The following COL28A1 variants were observed in gnomAD, a reference collection of about 807,000 sequenced individuals.
The protein encoded by COL28A1 is collagen type XXVIII alpha 1 chain.
COL28A1 carries 161 observed loss-of-function variants against 150.2 expected under a neutral mutation model. That is an observed-to-expected ratio of 1.07 (90% CI 0.94 to 1.22). COL28A1 has a LOEUF of 1.22. Ranked by LOEUF, COL28A1 falls within the 50% of genes most tolerant of loss-of-function variation. The probability of loss-of-function intolerance (pLI) is 0.00; values close to 1 mark genes in which losing one functional copy is unlikely to be tolerated. For synonymous variants in COL28A1, 552 were observed against 469.7 expected, an observed-to-expected ratio of 1.18 and a Z score of -2.26; for missense variants, 1,617 against 1,388.3, an observed-to-expected ratio of 1.16 and a Z score of -2.62.
In COL28A1 at chr7:7,506,006, A is replaced by G; in HGVS notation, c.1026+8T>C. 1 of 1,252,098 alleles carries G rather than the reference A, an allele frequency of 8.0e-7. No homozygotes were observed. The highest frequency in any genetic ancestry group is 1.2e-6 in the Non-Finnish European group (1 of 849,220). 77.6% of individuals were successfully genotyped at this position (1,252,098 alleles called of 1,614,324 possible). On this transcript the variant is annotated splice_region_variant and intron_variant, in intron 11 of 34. Coordinates refer to ENST00000399429, the MANE Select transcript of COL28A1 (RefSeq NM_001037763.3). ...CTCTGCCTGTCTTTAATCAAAGGGT[A>G]AGATTACCTTATTGCCTTGAAACCC...
intron 27 of COL28A1, among the ~76,000 whole-genome samples, chr7:7,391,272 TG>T (rs1296107957): frequency 6.6e-6 from 1 of 152,206 alleles, no homozygotes; most frequent in African/African-American, 2.4e-5. Context: ...TCAGTTTCCA[TG>T]TAGATGTGCG....
chr7:7,397,087 G>T (rs1245465150), intron 27 of COL28A1, among the ~76,000 whole-genome samples: 2 of 152,144 alleles, frequency 1.3e-5, no homozygotes, highest in Admixed American at 6.5e-5. Context: ...TGAATTTAGT[G>T]GTATTCTCTT....
intron 15 of COL28A1, among the ~76,000 whole-genome samples, chr7:7,462,571 A>C (rs1031622006): frequency 1.3e-5 from 2 of 152,218 alleles, no homozygotes; most frequent in African/African-American, 4.8e-5. Flanking sequence ...CACTTACAGA[A>C]ATGCAGGCTG....
At chr7:7,444,553 T>C (rs1786104973) in intron 18 of COL28A1, 64 bp from the exon 19 acceptor site, 5 of 1,495,222 alleles carry the variant, frequency 3.3e-6, no homozygotes, top group East Asian at 2.3e-5. Context: ...GTACTTGCAA[T>C]TGGATGTATC....
At chr7:7,484,740 T>A (rs1041629021) in intron 13 of COL28A1, among the ~76,000 whole-genome samples, 1 of 152,126 alleles carries the variant, frequency 6.6e-6, no homozygotes, top group Non-Finnish European at 1.5e-5. Context: ...TAAATGCCCA[T>A]CAATAGTAGA....
chr7:7,427,427 G>A (rs915177162), intron 25 of COL28A1, among the ~76,000 whole-genome samples: 1 of 152,156 alleles, frequency 6.6e-6, no homozygotes, highest in Non-Finnish European at 1.5e-5. Context: ...CTGTATCCTA[G>A]GCCAGCCCTC....
chr7:7,512,974 G>C (rs1583542888), intron 8 of COL28A1, among the ~76,000 whole-genome samples: 3 of 152,280 alleles, frequency 2.0e-5, no homozygotes, highest in Middle Eastern at 3.4e-3. Context: ...AGGAAGTCTT[G>C]CTATGAAAAA....
chr7:7,369,809 T>C (rs1230253333), intron 33 of COL28A1, among the ~76,000 whole-genome samples: 1 of 152,176 alleles, frequency 6.6e-6, no homozygotes, highest in Non-Finnish European at 1.5e-5. Flanking sequence ...TAGAACACTG[T>C]TGCACATGCT....
At chr7:7,457,567 T>G (rs1787267479) in intron 15 of COL28A1, among the ~76,000 whole-genome samples, 2 of 152,088 alleles carry the variant, frequency 1.3e-5, no homozygotes, top group Non-Finnish European at 2.9e-5. Context: ...GATGAGAACA[T>G]AAATTTGGGA....
chr7:7,426,221 T>C lies in COL28A1; in HGVS notation c.1998+6252A>G, dbSNP rs1024759674. On this transcript the variant is annotated intron_variant, in intron 25 of 34. Coordinates refer to ENST00000399429, the MANE Select transcript of COL28A1 (RefSeq NM_001037763.3). ...GGAATGACTGGGTTTTAAAATAAGG[T>C]AGAAGTCAAAGTGATGATAGCAGCT... Among the ~76,000 whole-genome samples the C allele has an allele frequency of 2.0e-5, 3 of 152,188 alleles. No homozygotes were observed. In the East Asian group the frequency reaches 5.8e-4, roughly 29 times the overall value.
chr7:7,422,722 T>A (rs1401214204), intron 25 of COL28A1, among the ~76,000 whole-genome samples: 2 of 152,062 alleles, frequency 1.3e-5, no homozygotes, highest in African/African-American at 4.8e-5. Context: ...CTATCAATAT[T>A]CTGGCCTAGA....
intron 25 of COL28A1, among the ~76,000 whole-genome samples, chr7:7,428,842 A>C (rs1006537492): frequency 4.6e-5 from 7 of 152,234 alleles, no homozygotes; most frequent in Non-Finnish European, 1.0e-4. Flanking sequence ...AATATCTCAG[A>C]AGGTCTTGCC....
rs1201607581 is a variant in COL28A1 at position 7,373,316 on chromosome 7, C to A, written c.2590G>T (p.Ala864Ser). 6.2e-7 allele frequency: 1 copy of A among 1,614,056 alleles called. No homozygotes were observed. The highest frequency in any genetic ancestry group is 1.7e-5 in the Admixed American group (1 of 60,004). Residue 864 changes from alanine to serine, a missense_variant, in exon 32 of 35, where the codon GCT (alanine) becomes TCT (serine). By Grantham distance (99) the Ala-to-Ser change is moderately conservative. Transcript: ENST00000399429. The surrounding 1 kb of genome is among the most constrained non-coding windows in gnomAD (Gnocchi z 4.1). ...CCCAGATACTGCATGTTGTCCACAGCCAACTTGAAGTCATCCTTGCTGGAG... is the reference window on the plus strand; with the variant it reads ...CCCAGATACTGCATGTTGTCCACAGACAACTTGAAGTCATCCTTGCTGGAG... ...QFSSKDDFKL[A>S]VDNMQYLGEG...
At chr7:7,520,897 A>C (rs1032764295) in intron 5 of COL28A1, among the ~76,000 whole-genome samples, 1 of 152,246 alleles carries the variant, frequency 6.6e-6, no homozygotes, top group Admixed American at 6.5e-5. Flanking sequence ...CTTTAGCCAA[A>C]GTCAGCTTCT....
chr7:7,346,154 C>T, the COL28A1 span, among the ~76,000 whole-genome samples: 3 of 152,002 alleles, frequency 2.0e-5, no homozygotes, highest in African/African-American at 7.2e-5. Context: ...CTACTATTTG[C>T]TCTAATTTCC....
At chr7:7,532,488 T>C (rs765518119) in intron 2 of COL28A1, among the ~76,000 whole-genome samples, 1 of 152,098 alleles carries the variant, frequency 6.6e-6, no homozygotes, top group Non-Finnish European at 1.5e-5. Flanking sequence ...TAATCTACAC[T>C]ATGAGTGGCA....
the COL28A1 span, among the ~76,000 whole-genome samples, chr7:7,338,932 T>C: frequency 6.6e-6 from 1 of 152,068 alleles, no homozygotes; most frequent in Non-Finnish European, 1.5e-5. Flanking sequence ...CCTTGTGAAC[T>C]AGCATGCTGG....
At chr7:7,427,028 G>T (rs774306335) in intron 25 of COL28A1, among the ~76,000 whole-genome samples, 5 of 152,120 alleles carry the variant, frequency 3.3e-5, no homozygotes, top group Admixed American at 6.5e-5. Flanking sequence ...AATGTTAAGG[G>T]GATTTACCAT....
the COL28A1 span, among the ~76,000 whole-genome samples, chr7:7,340,204 C>T: frequency 6.6e-6 from 1 of 152,016 alleles, no homozygotes; most frequent in African/African-American, 2.4e-5. Context: ...GTAGCATGAG[C>T]TACCATGCCC....
Sources: gnomAD v4.1 joint callset for allele counts (sites outside exome capture counted in the v4.1 genomes callset) on GRCh38, gnomAD v4.1.1 for gene constraint, Gnocchi (gnomAD v3.1) non-coding constraint, MANE v1.5 for transcripts, NCBI Gene and HGNC (gene_info 2026-07-23, HGNC 2026-07-21) for gene names.